The following GMDS variants were observed in gnomAD, a reference collection of about 807,000 sequenced individuals.
The protein encoded by GMDS is GDP-mannose 4,6-dehydratase.
Under a neutral mutation model 49.9 loss-of-function variants are expected in GMDS, and 20 were observed. The ratio of observed to expected loss-of-function variants is 0.40; its 90% CI spans 0.28 to 0.58. The LOEUF (loss-of-function observed/expected upper bound fraction) is 0.58, where lower values mean the gene tolerates loss of function less well. Ranked by LOEUF, GMDS falls within the 20% of genes least tolerant of loss-of-function variation. The pLI, the probability that GMDS is intolerant of heterozygous loss-of-function variation, is 0.42. For missense variants in GMDS, 362 were observed against 481.4 expected (o/e 0.75, Z 2.32); for synonymous variants, 177 against 178.6 (o/e 0.99, Z 0.07).
At chr6:1,759,254 C>G (rs1768071319) in intron 7 of GMDS, among the ~76,000 whole-genome samples, 1 of 152,144 alleles carries the variant, frequency 6.6e-6, no homozygotes, top group African/African-American at 2.4e-5. Flanking sequence ...TTATGTTAGT[C>G]ACAGCCACAG....
At chr6:2,050,132 G>A (rs1431509263) in intron 4 of GMDS, among the ~76,000 whole-genome samples, 1 of 152,012 alleles carries the variant, frequency 6.6e-6, no homozygotes, top group Non-Finnish European at 1.5e-5. Context: ...CTGCTAGCAA[G>A]GCTAATAAAG....
chr6:1,784,943 T>A (rs1769259057), intron 7 of GMDS, among the ~76,000 whole-genome samples: 1 of 152,192 alleles, frequency 6.6e-6, no homozygotes, highest in Non-Finnish European at 1.5e-5. Flanking sequence ...TTACTATTCA[T>A]AAAATATGAA....
chr6:1,672,215 G>A (rs1764454233), intron 9 of GMDS, among the ~76,000 whole-genome samples: 1 of 152,208 alleles, frequency 6.6e-6, no homozygotes, highest in African/African-American at 2.4e-5. Context: ...TGAGGCCATT[G>A]CTGCGCCATG....
intron 4 of GMDS, among the ~76,000 whole-genome samples, chr6:1,999,188 G>A (rs1766493687): frequency 6.6e-6 from 1 of 151,974 alleles, no homozygotes; most frequent in Non-Finnish European, 1.5e-5. Flanking sequence ...AGGGCGTGGT[G>A]GTGCATGCCT....
At chr6:1,687,800 T>C (rs1409529690) in intron 9 of GMDS, among the ~76,000 whole-genome samples, 1 of 151,468 alleles carries the variant, frequency 6.6e-6, no homozygotes, top group African/African-American at 2.4e-5. Flanking sequence ...TGCCCCAAGG[T>C]GAAGCTGAAG....
At chr6:1,853,589 C>T (rs1314450495) in intron 7 of GMDS, among the ~76,000 whole-genome samples, 3 of 148,720 alleles carry the variant, frequency 2.0e-5, no homozygotes, top group South Asian at 2.2e-4. Flanking sequence ...TGTGTATACA[C>T]ATCTGGACAA....
chr6:2,043,865 G>GA (rs149832809), intron 4 of GMDS, among the ~76,000 whole-genome samples: 34,491 of 149,476 alleles, frequency 0.23, 4,065 homozygotes, highest in Non-Finnish European at 0.25. Flanking sequence ...CAAATTTGCA[G>GA]AAAAAAAAAC....
intron 4 of GMDS, among the ~76,000 whole-genome samples, chr6:2,027,443 T>C (rs1284926321): frequency 6.6e-6 from 1 of 152,166 alleles, no homozygotes; most frequent in African/African-American, 2.4e-5. Flanking sequence ...AGCAGGGAAT[T>C]TGAAAGATTT....
chr6:2,178,445 C>T (rs1373250012), intron 1 of GMDS, among the ~76,000 whole-genome samples: 10 of 152,082 alleles, frequency 6.6e-5, no homozygotes, highest in African/African-American at 2.2e-4. Context: ...AACCAGATCT[C>T]GTGGGCACTG....
intron 1 of GMDS, among the ~76,000 whole-genome samples, chr6:2,172,152 C>T (rs1778041358): frequency 1.3e-5 from 2 of 152,088 alleles, no homozygotes. Flanking sequence ...TTATGATGAT[C>T]ATCATAAATG....
At chr6:1,627,349 T>C (rs1256023765) in intron 9 of GMDS, among the ~76,000 whole-genome samples, 2 of 152,178 alleles carry the variant, frequency 1.3e-5, no homozygotes, top group Non-Finnish European at 2.9e-5. Flanking sequence ...CACACAGCTC[T>C]AGAAGGAGAG....
chr6:1,932,766 C>T (rs1029513986), intron 6 of GMDS, among the ~76,000 whole-genome samples: 2 of 152,126 alleles, frequency 1.3e-5, no homozygotes, highest in Admixed American at 6.5e-5. Flanking sequence ...TCTCGATCTC[C>T]TGACCTCGTG....
At chr6:1,999,998 A>ATATATATATTTTATATATAT (rs1766653562) in intron 4 of GMDS, among the ~76,000 whole-genome samples, 1 of 10,884 alleles carries the variant, frequency 9.2e-5, no homozygotes, top group African/African-American at 2.4e-4. Context: ...TATATATATT[A>ATATATATATTTTATATATAT]TATATATATA....
rs1581684286 is a variant in GMDS, at chr6:2,124,863, A to G, written c.103-132T>C. ...GACAATGGCAACCTAAAATAAAAAT[A>G]ACACCAATAATGTCAATAAATACCA... On this transcript the variant is annotated intron_variant, in intron 1 of 10. Coordinates refer to ENST00000380815, the MANE Select transcript of GMDS (RefSeq NM_001500.4). 6 of 674,620 alleles carry G rather than the reference A, an allele frequency of 8.9e-6. No homozygotes were observed. In the East Asian group the frequency reaches 1.6e-4, roughly 18 times the overall value. The allele number at this position is 674,620 out of a possible 1,614,324, so 41.8% of individuals were successfully genotyped here. A position where few individuals can be genotyped will look rare whatever the true frequency, so the allele number is the denominator to read the frequency against.
At chr6:2,223,697 G>A (rs908912879) in intron 1 of GMDS, among the ~76,000 whole-genome samples, 2 of 152,294 alleles carry the variant, frequency 1.3e-5, no homozygotes, top group East Asian at 3.9e-4. Flanking sequence ...CAAATGGATT[G>A]TGGTCCTGCT....
chr6:1,783,357 C>T (rs575035190), intron 7 of GMDS, among the ~76,000 whole-genome samples: 2 of 152,268 alleles, frequency 1.3e-5, no homozygotes, highest in Non-Finnish European at 2.9e-5. Flanking sequence ...TCTTAATGGG[C>T]TCTGATATTT....
intron 8 of GMDS, among the ~76,000 whole-genome samples, chr6:1,732,804 G>T (rs1303054368): frequency 1.3e-5 from 2 of 152,288 alleles, no homozygotes; most frequent in East Asian, 1.9e-4. Flanking sequence ...AGACAGCAGG[G>T]ATTTGTGAGA....
chr6:1,965,186 C>T lies in GMDS; in HGVS notation c.346-4220G>A, dbSNP rs558132608. On this transcript the variant is annotated intron_variant, in intron 4 of 10. Coordinates refer to ENST00000380815, the MANE Select transcript of GMDS (RefSeq NM_001500.4). ...TGATTTATAATCCTTTGGGTATATA[C>T]CCAGTAATGGGATGGCTGGGTCAAA... Among the ~76,000 whole-genome samples, 16 of 152,080 alleles carry T rather than the reference C, an allele frequency of 1.1e-4. 1 individual carries two copies. Among genetic ancestry groups the T allele is most frequent in the Non-Finnish European group, 2.2e-4 (15 of 68,034 alleles).
chr6:1,883,571 ACT>A (rs887567525), intron 7 of GMDS, among the ~76,000 whole-genome samples: 4 of 152,046 alleles, frequency 2.6e-5, no homozygotes, highest in Non-Finnish European at 4.4e-5. Context: ...AGCTAGAAAT[ACT>A]CTCAGATACA....
Sources: allele counts gnomAD v4.1 joint callset (sites outside exome capture counted in the v4.1 genomes callset), GRCh38; gene constraint gnomAD v4.1.1; transcripts MANE v1.5; gene names NCBI Gene and HGNC (gene_info 2026-07-23, HGNC 2026-07-21).